The following MUSK variants were observed in gnomAD, a reference collection of about 807,000 sequenced individuals.
MUSK encodes muscle associated receptor tyrosine kinase.
A neutral mutation model predicts 88.7 loss-of-function variants in MUSK; 55 were observed. That is an observed-to-expected ratio of 0.62 (90% CI 0.50 to 0.78). MUSK has a LOEUF of 0.78. Among genes scored for constraint, MUSK ranks in the 30% least tolerant of loss-of-function variants. MUSK has a pLI of 0.00. For missense variants in MUSK, 1,015 were observed against 1,074.3 expected (o/e 0.94, Z 0.77); for synonymous variants, 387 against 391.9 (o/e 0.99, Z 0.15).
intron 3 of MUSK, among the ~76,000 whole-genome samples, chr9:110,690,227 T>C (rs1309206995): frequency 9.4e-6 from 1 of 106,556 alleles, no homozygotes; most frequent in African/African-American, 3.8e-5. Context: ...TAAGTATAAA[T>C]ATATATTTAA....
intron 5 of MUSK, chr9:110,728,611 G>A (rs1231518063): frequency 1.7e-5 from 16 of 931,394 alleles, no homozygotes; most frequent in Non-Finnish European, 2.5e-5. Flanking sequence ...TGTGGTCAAA[G>A]ATTTCCCTTT....
At chr9:110,704,749 G>A (rs1245453132) in intron 5 of MUSK, among the ~76,000 whole-genome samples, 1 of 151,814 alleles carries the variant, frequency 6.6e-6, no homozygotes, top group African/African-American at 2.4e-5. Flanking sequence ...ACTTTGGGAG[G>A]CCGAGGTGGG....
rs1301602946 is a variant in MUSK, at chr9:110,690,806, TTAAATATAAGTATATATATAAATATATA to T, written c.358+3569_358+3596del. Among the ~76,000 whole-genome samples, 184 of 110,908 alleles carry T rather than the reference TTAAATATAAGTATATATATAAATATATA, an allele frequency of 1.7e-3. 7 individuals carry two copies. The highest frequency in any genetic ancestry group is 6.6e-3 in the African/African-American group (177 of 27,004). The allele number at this position is 110,908 out of a possible 152,430, so 72.8% of individuals were successfully genotyped here. A position where few individuals can be genotyped will look rare whatever the true frequency, so the allele number is the denominator to read the frequency against. ...TAAGTATATATATAAATATATATAT[TTAAATATAAGTATATATATAAATATATA>T]TAAATATAAGTATATATATAAATAT... On this transcript the variant is annotated intron_variant, in intron 3 of 14. Transcript: ENST00000374448.
chr9:110,767,671 A>G, intron 8 of MUSK, 149 bp from the exon 9 acceptor site: 1 of 814,086 alleles, frequency 1.2e-6, no homozygotes, highest in South Asian at 1.5e-5. Context: ...AATGAAGACA[A>G]TATTCAAATG....
At chr9:110,740,769 A>G (rs756674511) in intron 6 of MUSK, among the ~76,000 whole-genome samples, 16 of 152,162 alleles carry the variant, frequency 1.1e-4, no homozygotes, top group Non-Finnish European at 1.3e-4. Context: ...CAGTTTCAGA[A>G]AGATAGAAGG....
intron 3 of MUSK, among the ~76,000 whole-genome samples, chr9:110,690,642 ATATT>A (rs2076338852): frequency 4.5e-4 from 2 of 4,436 alleles, no homozygotes; most frequent in African/African-American, 2.1e-3. Context: ...ATAAATATAT[ATATT>A]TAAATATAAG....
intron 9 of MUSK, among the ~76,000 whole-genome samples, chr9:110,774,243 T>C (rs2077628806): frequency 6.6e-6 from 1 of 152,222 alleles, no homozygotes; most frequent in Non-Finnish European, 1.5e-5. Flanking sequence ...TTTCTTGCAG[T>C]GCCATTTGTT....
intron 5 of MUSK, among the ~76,000 whole-genome samples, chr9:110,714,278 T>C (rs901568843): frequency 1.3e-4 from 20 of 152,132 alleles, no homozygotes; most frequent in African/African-American, 4.8e-4. Flanking sequence ...CTGATTTACA[T>C]GGTAAACATT....
intron 9 of MUSK, among the ~76,000 whole-genome samples, chr9:110,773,472 TA>T (rs1235959346): frequency 6.6e-6 from 1 of 152,154 alleles, no homozygotes; most frequent in Admixed American, 6.5e-5. Flanking sequence ...CATAATCATG[TA>T]TAAGTAGATA....
intron 1 of MUSK, among the ~76,000 whole-genome samples, chr9:110,680,383 CT>C (rs11461650): frequency 2.4e-4 from 34 of 141,596 alleles, no homozygotes; most frequent in Admixed American, 7.0e-4. Flanking sequence ...TTCTTTTTTT[CT>C]TTTTTTTTTT....
chr9:110,693,501 A>G (rs888091740), intron 3 of MUSK, among the ~76,000 whole-genome samples: 2 of 152,164 alleles, frequency 1.3e-5, no homozygotes, highest in Non-Finnish European at 2.9e-5. Flanking sequence ...TAAAGTCTCA[A>G]TGCTGGCACA....
In MUSK at chr9:110,797,597, A is replaced by T. The variant is rs138971252; in HGVS notation, c.1928-2709A>T. On this transcript the variant is annotated intron_variant, in intron 14 of 14. Coordinates refer to ENST00000374448, the MANE Select transcript of MUSK (RefSeq NM_005592.4). ...TAGTATCTCGAATAGTTTCTGGCAC[A>T]TTGTAGGCACTCTATAAATATTTGT... is the stretch of plus-strand genomic sequence containing the variant. 3.3e-3 allele frequency among the ~76,000 whole-genome samples: 502 copies of T among 152,304 alleles called. 6 individuals are homozygous for T. The highest frequency in any genetic ancestry group is 0.012 in the African/African-American group (485 of 41,580).
rs566783103 is a variant in MUSK at position 110,785,899 on chromosome 9, T to C, written c.1778+181T>C. Among the ~76,000 whole-genome samples the C allele has an allele frequency of 1.5e-3, 216 of 146,872 alleles. 2 individuals are homozygous for C. The highest frequency in any genetic ancestry group is 2.3e-3 in the African/African-American group (91 of 39,594). ...TGTACACTGTGTGTGTATATATATA[T>C]ACACACACACATATACATATATACA... On this transcript the variant is annotated intron_variant, in intron 13 of 14. Coordinates refer to ENST00000374448, the MANE Select transcript of MUSK (RefSeq NM_005592.4).
intron 5 of MUSK, among the ~76,000 whole-genome samples, chr9:110,713,345 C>T (rs912146028): frequency 8.0e-5 from 12 of 150,628 alleles, no homozygotes; most frequent in Admixed American, 4.0e-4. Context: ...CTGCAACCTC[C>T]GCCTCCCAGG....
intron 5 of MUSK, among the ~76,000 whole-genome samples, chr9:110,705,616 T>C (rs888445707): frequency 1.3e-5 from 2 of 152,250 alleles, no homozygotes; most frequent in African/African-American, 4.8e-5. Flanking sequence ...GTGAACATTT[T>C]CCACACTTTG....
chr9:110,717,653 A>ATCTTTG (rs1357410952), intron 5 of MUSK, among the ~76,000 whole-genome samples: 1 of 150,116 alleles, frequency 6.7e-6, no homozygotes, highest in African/African-American at 2.5e-5. Flanking sequence ...GTGAGCAGAT[A>ATCTTTG]TCTTTGTCTT....
intron 1 of MUSK, among the ~76,000 whole-genome samples, chr9:110,680,582 C>T (rs2076095472): frequency 6.6e-6 from 1 of 151,660 alleles, no homozygotes. Context: ...GACAGGGTTT[C>T]ACCATGTTAG....
intron 5 of MUSK, chr9:110,727,461 T>C (rs1245167875): frequency 6.6e-6 from 1 of 152,092 alleles, no homozygotes; most frequent in South Asian, 2.1e-4. Context: ...AGAAGTTCTT[T>C]GAGATGCTGT....
intron 1 of MUSK, among the ~76,000 whole-genome samples, chr9:110,681,245 C>A (rs1033819335): frequency 7.3e-6 from 1 of 136,864 alleles, no homozygotes; most frequent in Non-Finnish European, 1.5e-5. Flanking sequence ...AAGAAAGTGG[C>A]CCTGATGACT....
Sources: allele counts gnomAD v4.1 joint callset (sites outside exome capture counted in the v4.1 genomes callset), GRCh38; gene constraint gnomAD v4.1.1; transcripts MANE v1.5; gene names NCBI Gene and HGNC (gene_info 2026-07-23, HGNC 2026-07-21).